The following PLCE1 variants were observed in gnomAD, a reference collection of about 807,000 sequenced individuals.
The protein encoded by PLCE1 is 1-phosphatidylinositol 4,5-bisphosphate phosphodiesterase epsilon-1.
Under a neutral mutation model 242.8 loss-of-function variants are expected in PLCE1, and 119 were observed. That is an observed-to-expected ratio of 0.49 (90% CI 0.42 to 0.57). The LOEUF (loss-of-function observed/expected upper bound fraction) is 0.57. Among genes scored for constraint, PLCE1 ranks in the 20% least tolerant of loss-of-function variants. The pLI is 0.00. For missense variants in PLCE1, 2,441 were observed against 2,788.8 expected, an observed-to-expected ratio of 0.88 and a Z score of 2.81; for synonymous variants, 945 against 1,017.4, an observed-to-expected ratio of 0.93 and a Z score of 1.35.
intron 23 of PLCE1, among the ~76,000 whole-genome samples, chr10:94,294,722 G>A (rs1305879581): frequency 6.6e-6 from 1 of 152,086 alleles, no homozygotes; most frequent in Non-Finnish European, 1.5e-5. Flanking sequence ...TTTTGCTGGT[G>A]GAGGGTGTTG....
rs951291315 is a variant in PLCE1, at chr10:94,004,078, G to A, written c.-365+9820G>A. Among the ~76,000 whole-genome samples, 16 of 152,220 alleles carry A rather than the reference G, an allele frequency of 1.1e-4. 1 individual carries two copies. Among genetic ancestry groups the A allele is most frequent in the Middle Eastern group, 3.4e-3 (1 of 294 alleles). ...AAGGAATTGCTTGAAGCCAGGAGGCGGAGGTTGCAGTGAGCTGAGATCGCG... is the reference window on the plus strand; with the variant it reads ...AAGGAATTGCTTGAAGCCAGGAGGCAGAGGTTGCAGTGAGCTGAGATCGCG... On this transcript the variant is annotated intron_variant, in intron 1 of 32. Transcript: ENST00000371380.
At chr10:94,286,582 G>T (rs900149022) in intron 22 of PLCE1, among the ~76,000 whole-genome samples, 3 of 152,082 alleles carry the variant, frequency 2.0e-5, no homozygotes, top group Non-Finnish European at 4.4e-5. Flanking sequence ...TATATTTCAT[G>T]ATATTAAAAT....
chr10:94,323,850 A>G (rs1589547475), intron 30 of PLCE1, among the ~76,000 whole-genome samples: 1 of 152,216 alleles, frequency 6.6e-6, no homozygotes, highest in Non-Finnish European at 1.5e-5. Context: ...AAATGCATCA[A>G]TGAAAGACAT....
chr10:94,254,726 C>A (rs2051002968), intron 10 of PLCE1, among the ~76,000 whole-genome samples, 167 bp from the exon 11 acceptor site: 1 of 152,152 alleles, frequency 6.6e-6, no homozygotes, highest in African/African-American at 2.4e-5. Flanking sequence ...CCAGTTGAGA[C>A]CCCACCAGAT....
At chr10:94,275,694 GGCATGGTGGCATGT>G (rs1164778001) in intron 19 of PLCE1, among the ~76,000 whole-genome samples, 1 of 151,992 alleles carries the variant, frequency 6.6e-6, no homozygotes, top group Non-Finnish European at 1.5e-5. Flanking sequence ...AAATTAGCTG[GGCATGGTGGCATGT>G]GCCTGTATTC....
At chr10:94,017,156 G>A (rs1159690733) in intron 1 of PLCE1, among the ~76,000 whole-genome samples, 1 of 152,088 alleles carries the variant, frequency 6.6e-6, no homozygotes, top group African/African-American at 2.4e-5. Context: ...GGAGGGGACA[G>A]GTCAGAGCCA....
chr10:94,167,111 G>A (rs541201746), intron 3 of PLCE1, among the ~76,000 whole-genome samples: 14 of 152,162 alleles, frequency 9.2e-5, no homozygotes, highest in South Asian at 2.1e-4. Context: ...CCAACATGGC[G>A]AAACCCTGTG....
intron 2 of PLCE1, among the ~76,000 whole-genome samples, chr10:94,113,735 C>T (rs775095313): frequency 9.2e-5 from 14 of 152,020 alleles, no homozygotes; most frequent in Non-Finnish European, 1.3e-4. Context: ...AGCAATGTGA[C>T]GATGCGGGAA....
At chr10:94,216,916 G>A (rs2049548987) in intron 4 of PLCE1, among the ~76,000 whole-genome samples, 1 of 151,558 alleles carries the variant, frequency 6.6e-6, no homozygotes, top group Non-Finnish European at 1.5e-5. Flanking sequence ...TGTGTGGGGA[G>A]CAAAGCTTTA....
At chr10:93,995,003 G>A (rs2060794078) in intron 1 of PLCE1, among the ~76,000 whole-genome samples, 1 of 152,186 alleles carries the variant, frequency 6.6e-6, no homozygotes, top group African/African-American at 2.4e-5. Context: ...AAATTTGCCC[G>A]TAGGTCTTTT....
rs548135485 is a variant in PLCE1 at position 94,331,214 on chromosome 10, C to G, written c.*3271C>G. On this transcript the variant is annotated 3_prime_UTR_variant, in exon 33 of 33. Coordinates refer to ENST00000371380, the MANE Select transcript of PLCE1 (RefSeq NM_016341.4). The stretch of plus-strand genomic sequence containing the variant: ...ACTTGTTTTTAATCAAACTTGCTTT[C>G]TTTTATGGGAGGCTTTTATGCCTCC... 6.6e-6 allele frequency: 1 copy of G among 152,298 alleles called. No homozygotes were observed. The highest frequency in any genetic ancestry group is 1.9e-4 in the East Asian group (1 of 5,188). 9.4% of individuals were successfully genotyped at this position (152,298 alleles called of 1,614,324 possible). A position where few individuals can be genotyped will look rare whatever the true frequency, so the allele number is the denominator to read the frequency against.
intron 2 of PLCE1, among the ~76,000 whole-genome samples, chr10:94,118,861 C>T (rs985799269): frequency 3.0e-4 from 45 of 152,320 alleles, no homozygotes; most frequent in African/African-American, 1.0e-3. Flanking sequence ...GTCCCTGACT[C>T]ATCCTCATGA....
At chr10:94,048,983 TG>T (rs1188440007) in intron 2 of PLCE1, among the ~76,000 whole-genome samples, 1 of 151,876 alleles carries the variant, frequency 6.6e-6, no homozygotes, top group Non-Finnish European at 1.5e-5. Flanking sequence ...AGGCTGGTCT[TG>T]AACTCCTGAG....
chr10:94,121,131 T>C (rs1051285755), intron 2 of PLCE1: 4 of 152,252 alleles, frequency 2.6e-5, no homozygotes, highest in African/African-American at 9.6e-5. Context: ...GCTTTGCATT[T>C]ATTATAGCAT....
chr10:94,305,811 T>C (rs1280818296), intron 25 of PLCE1, among the ~76,000 whole-genome samples: 2 of 152,228 alleles, frequency 1.3e-5, no homozygotes, highest in African/African-American at 2.4e-5. Flanking sequence ...TTTATGATTA[T>C]ATTGCATAAA....
chr10:94,190,593 GAC>G (rs2048628088), intron 4 of PLCE1, among the ~76,000 whole-genome samples: 1 of 152,208 alleles, frequency 6.6e-6, no homozygotes, highest in Non-Finnish European at 1.5e-5. Flanking sequence ...CTGCCAGAGT[GAC>G]ACCCTAACTC....
intron 2 of PLCE1, among the ~76,000 whole-genome samples, chr10:94,118,081 A>G (rs904043617): frequency 6.6e-6 from 1 of 152,214 alleles, no homozygotes; most frequent in Non-Finnish European, 1.5e-5. Flanking sequence ...ATATTTTTGG[A>G]ATGTAAATTG....
At chr10:94,284,580 C>G (rs957441026) in intron 21 of PLCE1, among the ~76,000 whole-genome samples, 3 of 152,182 alleles carry the variant, frequency 2.0e-5, no homozygotes, top group African/African-American at 4.8e-5. Context: ...AGTCAATCCT[C>G]TATTTATTTA....
At chr10:94,299,490 G>T (rs926504615) in intron 24 of PLCE1, among the ~76,000 whole-genome samples, 5 of 152,192 alleles carry the variant, frequency 3.3e-5, no homozygotes, top group African/African-American at 1.2e-4. Flanking sequence ...GTTTCCACTT[G>T]GTTATGGGGG....
Sources: allele counts gnomAD v4.1 joint callset (sites outside exome capture counted in the v4.1 genomes callset), GRCh38; gene constraint gnomAD v4.1.1; transcripts MANE v1.5; gene names NCBI Gene and HGNC (gene_info 2026-07-23, HGNC 2026-07-21).